The following SORCS1 variants were observed in gnomAD, a reference collection of about 807,000 sequenced individuals.
The protein encoded by SORCS1 is sortilin related VPS10 domain containing receptor 1, also known as VPS10 domain-containing receptor SorCS1.
Under a neutral mutation model 146.1 loss-of-function variants are expected in SORCS1, and 60 were observed. That is an observed-to-expected ratio of 0.41 (90% confidence interval 0.33 to 0.51). The LOEUF is 0.51. Ranked by LOEUF, SORCS1 falls within the 20% of genes least tolerant of loss-of-function variation. The pLI is 0.21. For missense variants in SORCS1, 1,352 were observed against 1,487.6 expected (o/e 0.91, Z 1.50); for synonymous variants, 637 against 584.0 (o/e 1.09, Z -1.31).
rs985749111 is a variant in SORCS1, at chr10:106,946,235, T to C, written c.626+10278A>G. Reference sequence around the variant, plus strand: ...CTTCAAAGCAAAAAGCATTTAATGATACTTAATAAGACCAGTTCTATTTTG... The same window carrying C: ...CTTCAAAGCAAAAAGCATTTAATGACACTTAATAAGACCAGTTCTATTTTG... On this transcript the variant is annotated intron_variant, in intron 2 of 25. Transcript: ENST00000263054. 7.2e-5 allele frequency among the ~76,000 whole-genome samples: 11 copies of C among 152,338 alleles called. No homozygotes were observed. The East Asian group carries it at 2.1e-3, about 29-fold the overall frequency.
chr10:107,003,481 C>A (rs1957305492), intron 1 of SORCS1, among the ~76,000 whole-genome samples: 1 of 148,636 alleles, frequency 6.7e-6, no homozygotes, highest in South Asian at 2.1e-4. Flanking sequence ...TGTAGTAATC[C>A]ACAGACTCAC....
chr10:106,643,499 T>C (rs1589548397), intron 18 of SORCS1, among the ~76,000 whole-genome samples: 1 of 152,246 alleles, frequency 6.6e-6, no homozygotes, highest in Non-Finnish European at 1.5e-5. Flanking sequence ...CACAATCACA[T>C]GTGAGGTCCT....
chr10:107,054,629 T>C (rs1202901596), intron 1 of SORCS1, among the ~76,000 whole-genome samples: 2 of 152,174 alleles, frequency 1.3e-5, no homozygotes, highest in African/African-American at 4.8e-5. Context: ...AAAGTCTAAC[T>C]TGACAGTCTG....
chr10:106,815,986 A>G (rs1291357986), intron 3 of SORCS1, among the ~76,000 whole-genome samples: 1 of 152,190 alleles, frequency 6.6e-6, no homozygotes, highest in Non-Finnish European at 1.5e-5. Context: ...CTTTTTAGCA[A>G]ATCGGGACTT....
At position 106,984,786 on chromosome 10, in the gene SORCS1, T is replaced by G. The variant is rs535578073; in HGVS notation, c.559-28206A>C. On this transcript the variant is annotated intron_variant, in intron 1 of 25. Coordinates refer to ENST00000263054, the MANE Select transcript of SORCS1 (RefSeq NM_052918.5). ...AATTTTATCTTTATAGACACACACT[T>G]TTATACTTATTTCACAGCTGATTTC... Among the ~76,000 whole-genome samples, 237 of 151,812 alleles carry G rather than the reference T, an allele frequency of 1.6e-3. 1 individual carries two copies. Among genetic ancestry groups the G allele is most frequent in the African/African-American group, 4.9e-3 (201 of 41,094 alleles).
intron 2 of SORCS1, among the ~76,000 whole-genome samples, chr10:106,897,970 C>T (rs1951551500): frequency 6.6e-6 from 1 of 152,234 alleles, no homozygotes; most frequent in South Asian, 2.1e-4. Context: ...TTCGCTGGGA[C>T]CCATGGCGAT....
At chr10:106,932,157 C>T (rs988265428) in intron 2 of SORCS1, among the ~76,000 whole-genome samples, 2 of 151,958 alleles carry the variant, frequency 1.3e-5, no homozygotes, top group Non-Finnish European at 2.9e-5. Flanking sequence ...AATTTTTATC[C>T]CCTTCCATAC....
chr10:106,976,343 T>TTTTTGTTTG (rs1956017015), intron 1 of SORCS1, among the ~76,000 whole-genome samples: 1 of 36,038 alleles, frequency 2.8e-5, no homozygotes, highest in African/African-American at 1.5e-4. Context: ...GTTTTTTTTT[T>TTTTTGTTTG]TTTTTTGAGA....
chr10:107,088,164 AG>A (rs1466044988), intron 1 of SORCS1, among the ~76,000 whole-genome samples: 21 of 122,252 alleles, frequency 1.7e-4, no homozygotes, highest in African/African-American at 5.7e-4. Context: ...CTGGGATTAC[AG>A]GGGTGAGCCA....
At chr10:106,806,806 C>T (rs796199473) in intron 3 of SORCS1, among the ~76,000 whole-genome samples, 5 of 151,932 alleles carry the variant, frequency 3.3e-5, no homozygotes, top group Admixed American at 6.6e-5. Flanking sequence ...TGAGCCACCG[C>T]ACCCGGAGGA....
Position 106,917,093 on chromosome 10 carries a change from G to A in SORCS1, c.626+39420C>T, listed in dbSNP as rs149790148. Reference sequence around the variant, plus strand: ...CTGTCATTTTTCACCTGGCCAGCTCGTTCTCAGCTGAAGTATGATGTTCTT... The same window carrying A: ...CTGTCATTTTTCACCTGGCCAGCTCATTCTCAGCTGAAGTATGATGTTCTT... On this transcript the variant is annotated intron_variant, in intron 2 of 25. Transcript: ENST00000263054. 2.0e-3 allele frequency among the ~76,000 whole-genome samples: 308 copies of A among 152,248 alleles called. 1 individual carries two copies. Among genetic ancestry groups the A allele is most frequent in the Non-Finnish European group, 3.7e-3 (253 of 68,018 alleles).
chr10:107,094,524 T>C lies in SORCS1; in HGVS notation c.558+69445A>G, dbSNP rs888080459. ...AAGGGGGAATGACAGATATAAACTA[T>C]AGAATAAAAATTATTCACCTATGAC... On this transcript the variant is annotated intron_variant, in intron 1 of 25. Transcript: ENST00000263054. Among the ~76,000 whole-genome samples the C allele has an allele frequency of 4.6e-5, 7 of 152,314 alleles. No homozygotes were observed. The East Asian group carries it at 5.8e-4, about 13-fold the overall frequency.
intron 24 of SORCS1, among the ~76,000 whole-genome samples, chr10:106,584,660 G>A (rs1006258552): frequency 6.6e-6 from 1 of 152,192 alleles, no homozygotes; most frequent in Non-Finnish European, 1.5e-5. Context: ...TAAATCAACT[G>A]TGGTCTAGTG....
At chr10:106,672,764 T>C in intron 15 of SORCS1, 104 bp downstream of exon 15, 16 of 851,740 alleles carry the variant, frequency 1.9e-5, no homozygotes, top group Middle Eastern at 3.0e-4. Context: ...TAGATGGACA[T>C]TTTGGCCTAG....
intron 5 of SORCS1, among the ~76,000 whole-genome samples, chr10:106,742,437 T>C (rs1295287931): frequency 6.6e-6 from 1 of 152,174 alleles, no homozygotes; most frequent in African/African-American, 2.4e-5. Context: ...TGGAGTACAG[T>C]GGCACAATCT....
At chr10:106,747,955 T>C (rs920399998) in intron 5 of SORCS1, among the ~76,000 whole-genome samples, 3 of 152,196 alleles carry the variant, frequency 2.0e-5, no homozygotes, top group Non-Finnish European at 2.9e-5. Context: ...TAATGCCACC[T>C]CATTCCCATC....
At chr10:106,931,419 A>G (rs1953409632) in intron 2 of SORCS1, among the ~76,000 whole-genome samples, 1 of 152,238 alleles carries the variant, frequency 6.6e-6, no homozygotes, top group South Asian at 2.1e-4. Context: ...AGAATCTCAG[A>G]AGTCAGAACT....
At chr10:107,017,321 T>C (rs1358065206) in intron 1 of SORCS1, among the ~76,000 whole-genome samples, 2 of 152,166 alleles carry the variant, frequency 1.3e-5, no homozygotes, top group Non-Finnish European at 2.9e-5. Context: ...AGCAATGAAA[T>C]GAGCAAACTA....
intron 18 of SORCS1, among the ~76,000 whole-genome samples, chr10:106,631,087 G>A (rs761168423): frequency 1.3e-5 from 2 of 152,188 alleles, no homozygotes; most frequent in Non-Finnish European, 2.9e-5. Context: ...AAAAGGCCAA[G>A]TTTAAAATGT....
Sources: gnomAD v4.1 joint callset for allele counts (sites outside exome capture counted in the v4.1 genomes callset) on GRCh38, gnomAD v4.1.1 for gene constraint, MANE v1.5 for transcripts, NCBI Gene and HGNC (gene_info 2026-07-23, HGNC 2026-07-21) for gene names.